ERBB2: variants seen among roughly 807,000 people sequenced by gnomAD.
ERBB2 encodes the protein receptor tyrosine-protein kinase erbB-2.
ERBB2 carries 61 observed loss-of-function variants against 149.0 expected under a neutral mutation model. The observed-to-expected ratio is 0.41, with a 90% CI of 0.33 to 0.51. ERBB2 has a LOEUF of 0.51. Among genes scored for constraint, ERBB2 ranks in the 20% least tolerant of loss-of-function variants. ERBB2 has a pLI of 0.25. For synonymous variants in ERBB2, 633 were observed against 678.8 expected (o/e 0.93, Z 1.05); for missense variants, 1,205 against 1,655.1 (o/e 0.73, Z 4.72).
rs768146737 is a variant in ERBB2 at position 39,723,482 on chromosome 17, G to C, written c.2085+25G>C. 1 of 1,613,960 alleles carries C rather than the reference G, an allele frequency of 6.2e-7. No homozygotes were observed. Among genetic ancestry groups the C allele is most frequent in the South Asian group, 1.1e-5 (1 of 91,076 alleles). ...GGTGAGGCGGGGTGAAGTCCTCCCA[G>C]CCCGCGTGGGGTCTGCACCGGCCCC... On this transcript the variant is annotated intron_variant, in intron 17 of 26. Coordinates refer to ENST00000269571, the MANE Select transcript of ERBB2 (RefSeq NM_004448.4). This position sits in a 1 kb window ranked among gnomAD's most constrained non-coding sequence, Gnocchi z 6.2.
At chr17:39,724,096 T>G (rs1455529032) in intron 19 of ERBB2, 86 bp downstream of exon 19, 1 of 954,498 alleles carries the variant, frequency 1.0e-6, no homozygotes, top group African/African-American at 1.7e-5. Context: ...TCATTGGGGT[T>G]TGGGGAGATA....
At position 39,723,836 on chromosome 17, in the gene ERBB2, C is replaced by T. The variant is rs2059583481; in HGVS notation, c.2209-76C>T. ...AGGGTGGTGAAGGATGTTTGGAGGA[C>T]AAGTAATGATCTCCTGGAAGGCAGG... On this transcript the variant is annotated intron_variant, in intron 18 of 26. Coordinates refer to ENST00000269571, the MANE Select transcript of ERBB2 (RefSeq NM_004448.4). This position sits in a 1 kb window ranked among gnomAD's most constrained non-coding sequence, Gnocchi z 6.2. 3 of 1,499,776 alleles carry T rather than the reference C, an allele frequency of 2.0e-6. No individual in the cohort carries two copies. Among genetic ancestry groups the T allele is most frequent in the Non-Finnish European group, 2.8e-6 (3 of 1,082,124 alleles). 92.9% of individuals were successfully genotyped at this position (1,499,776 alleles called of 1,614,324 possible).
At chr17:39,706,629 G>A in intron 1 of ERBB2, 1 of 192,668 alleles carries the variant, frequency 5.2e-6, no homozygotes, top group Non-Finnish European at 1.1e-5. Context: ...GCCTCTCTTG[G>A]GGGATTTTTA....
rs756999086 is a variant in ERBB2, at chr17:39,715,295, C to T, written c.1158C>T (p.Ala386=). 6.2e-7 allele frequency: 1 copy of T among 1,614,044 alleles called. No homozygotes were observed. Among genetic ancestry groups the T allele is most frequent in the South Asian group, 1.1e-5 (1 of 91,064 alleles). ...FLPESFDGDP[A]SNTAPLQPEQ... ...CTCCTGACCCCTCCAGGGACCCAGCCTCCAACACTGCCCCGCTCCAGCCAG... is the reference window on the plus strand; with the variant it reads ...CTCCTGACCCCTCCAGGGACCCAGCTTCCAACACTGCCCCGCTCCAGCCAG... Residue 386 remains alanine, a synonymous_variant, in exon 10 of 27, where the codon GCC becomes GCT. Coordinates refer to ENST00000269571, the MANE Select transcript of ERBB2 (RefSeq NM_004448.4).
At chr17:39,697,371 T>TTTG, upstream of ERBB2, among the ~76,000 whole-genome samples, 1 of 151,108 alleles carries the variant, frequency 6.6e-6, no homozygotes, top group African/African-American at 2.4e-5. Flanking sequence ...TTTTTTTTTT[T>TTTG]TGAGACAGAG....
upstream of ERBB2, among the ~76,000 whole-genome samples, chr17:39,692,100 T>A (rs1005827503): frequency 2.6e-5 from 4 of 151,880 alleles, no homozygotes; most frequent in Admixed American, 6.6e-5. Flanking sequence ...GTGATCCACC[T>A]GTCTCAGCCT....
upstream of ERBB2, among the ~76,000 whole-genome samples, chr17:39,698,974 A>C (rs1438827431): frequency 6.7e-6 from 1 of 149,624 alleles, no homozygotes; most frequent in African/African-American, 2.5e-5. Flanking sequence ...AAAAAAAAAA[A>C]GTCTTCCTTC....
intron 16 of ERBB2, among the ~76,000 whole-genome samples, chr17:39,721,431 G>A (rs1278442452): frequency 2.6e-5 from 4 of 151,992 alleles, no homozygotes; most frequent in Non-Finnish European, 4.4e-5. Context: ...GCGCTACCAC[G>A]TCCGGCTAAT....
rs2143297617 is a variant in ERBB2, at chr17:39,727,798, C to T, written c.3522C>T (p.Ser1174=). ...GATLERPKTL[S]PGKNGVVKDV... ...CTCTGGAAAGGCCCAAGACTCTCTC[C>T]CCAGGGAAGAATGGGGTCGTCAAAG... is the stretch of plus-strand genomic sequence containing the variant. The change falls in exon 27 of 27, where the codon TCC becomes TCT. Residue 1174 remains serine (S), a synonymous_variant. Transcript: ENST00000269571. This position sits in a 1 kb window ranked among gnomAD's most constrained non-coding sequence, Gnocchi z 4.3. The T allele has an allele frequency of 6.2e-7, 1 of 1,613,336 alleles. No homozygotes were observed. The highest frequency in any genetic ancestry group is 8.5e-7 in the Non-Finnish European group (1 of 1,179,392).
At chr17:39,712,272 C>T (rs372663239) in intron 8 of ERBB2, 50 bp from the exon 9 acceptor site, 20 of 1,610,794 alleles carry the variant, frequency 1.2e-5, no homozygotes, top group South Asian at 2.2e-5. Context: ...TGACCTGTCC[C>T]GGTATGAAGG....
chr17:39,699,106 A>T (rs1299700907), upstream of ERBB2, among the ~76,000 whole-genome samples: 1 of 152,166 alleles, frequency 6.6e-6, no homozygotes, highest in Non-Finnish European at 1.5e-5. Flanking sequence ...CCTTGAATGC[A>T]TTGGGTGCTG....
intron 2 of ERBB2, 160 bp from the exon 3 acceptor site, chr17:39,708,161 C>T (rs762781663): frequency 6.3e-5 from 37 of 584,222 alleles, no homozygotes; most frequent in Non-Finnish European, 1.0e-4. Context: ...CAAGGTAGGG[C>T]GTGATCTTTA....
upstream of ERBB2, chr17:39,699,999 AAGGAGGAGGTGG>A (rs1848481105): frequency 7.9e-7 from 1 of 1,266,116 alleles, no homozygotes; most frequent in Admixed American, 4.0e-5. Flanking sequence ...ATCACAGGAG[AAGGAGGAGGTGG>A]AGGAGGAGGG....
chr17:39,715,657 T>C (rs1597873121), intron 11 of ERBB2, 83 bp from the exon 12 acceptor site: 1 of 1,563,274 alleles, frequency 6.4e-7, no homozygotes, highest in East Asian at 2.2e-5. Flanking sequence ...GTCTGCAGAG[T>C]GTGCTGGGGA....
intron 16 of ERBB2, among the ~76,000 whole-genome samples, chr17:39,722,914 G>A (rs1183447661): frequency 6.6e-6 from 1 of 152,030 alleles, no homozygotes; most frequent in Non-Finnish European, 1.5e-5. Context: ...AGTAGAGACG[G>A]GGGTTTCACT....
chr17:39,725,530 C>A lies in ERBB2; in HGVS notation c.2725+128C>A. 8.1e-7 allele frequency: 1 copy of A among 1,231,448 alleles called. No homozygotes were observed. Among genetic ancestry groups the A allele is most frequent in the South Asian group, 1.4e-5 (1 of 74,026 alleles). The allele number at this position is 1,231,448 out of a possible 1,614,324, so 76.3% of individuals were successfully genotyped here. A position where few individuals can be genotyped will look rare whatever the true frequency, so the allele number is the denominator to read the frequency against. On this transcript the variant is annotated intron_variant, in intron 22 of 26. Coordinates refer to ENST00000269571, the MANE Select transcript of ERBB2 (RefSeq NM_004448.4). The surrounding 1 kb of genome is among the most constrained non-coding windows in gnomAD (Gnocchi z 4.6). ...GGGAGGGAAGGGGCTGCCTGTGCCC[C>A]ACCTTGCAGGGTCTGTGCACTTCCC...
chr17:39,702,731 A>G (rs1470265010), intron 1 of ERBB2, among the ~76,000 whole-genome samples: 1 of 152,232 alleles, frequency 6.6e-6, no homozygotes, highest in Non-Finnish European at 1.5e-5. Flanking sequence ...TAAGAAATGT[A>G]CGGTGTACTT....
Position 39,711,922 on chromosome 17 carries a change from C to T in ERBB2, c.902-6C>T. On this transcript the variant is annotated splice_polypyrimidine_tract_variant and splice_region_variant and intron_variant, in intron 7 of 26. Transcript: ENST00000269571. ...GTATGTGGCTACATGTTCCTGATCT[C>T]CTTAGACAACTACCTTTCTACGGAC... 6.2e-7 allele frequency: 1 copy of T among 1,614,066 alleles called. No individual in the cohort carries two copies. Among genetic ancestry groups the T allele is most frequent in the Admixed American group, 1.7e-5 (1 of 60,030 alleles).
At chr17:39,720,809 C>A (rs889314725) in intron 16 of ERBB2, among the ~76,000 whole-genome samples, 1 of 152,086 alleles carries the variant, frequency 6.6e-6, no homozygotes, top group Non-Finnish European at 1.5e-5. Context: ...GCCACCACAC[C>A]CAGCTAATTT....
Sources: gnomAD v4.1 joint callset for allele counts (sites outside exome capture counted in the v4.1 genomes callset) on GRCh38, gnomAD v4.1.1 for gene constraint, Gnocchi (gnomAD v3.1) non-coding constraint, MANE v1.5 for transcripts, NCBI Gene and HGNC (gene_info 2026-07-23, HGNC 2026-07-21) for gene names.